TMEM273: variants seen among roughly 807,000 people sequenced by gnomAD.
The protein encoded by TMEM273 is transmembrane protein 273, also known as chromosome 10 open reading frame 128.
Under a neutral mutation model 17.9 loss-of-function variants are expected in TMEM273, and 19 were observed. The observed-to-expected ratio is 1.06, with a 90% CI of 0.74 to 1.55. The LOEUF is 1.55. Ranked by LOEUF, TMEM273 falls within the 40% of genes most tolerant of loss-of-function variation. The pLI, the probability that TMEM273 is intolerant of heterozygous loss-of-function variation, is 0.00. For synonymous variants in TMEM273, 66 were observed against 62.0 expected, an observed-to-expected ratio of 1.07 and a Z score of -0.31; for missense variants, 194 against 155.6, an observed-to-expected ratio of 1.25 and a Z score of -1.31.
chr10:49,165,225 T>G lies in TMEM273; in HGVS notation c.328A>C (p.Ile110Leu). 1 of 1,550,460 alleles carries G rather than the reference T, an allele frequency of 6.4e-7. No individual in the cohort carries two copies. Among genetic ancestry groups the G allele is most frequent in the African/African-American group, 1.4e-5 (1 of 73,154 alleles). ...TGTACCTTAAATAGGCCCTCCATGATGCAGTGGTGACACTGAAGCAGGGAT... is the reference window on the plus strand; with the variant it reads ...TGTACCTTAAATAGGCCCTCCATGAGGCAGTGGTGACACTGAAGCAGGGAT... ...FKSLLQCHHC[I>L]MEGLFKAKPQ... The change falls in exon 5 of 7, where the codon ATC becomes CTC. Residue 110 changes from isoleucine (I) to leucine (L), a missense_variant. Ile to Leu is a conservative substitution (Grantham distance 5, BLOSUM62 2). Coordinates refer to ENST00000374153, the MANE Select transcript of TMEM273 (RefSeq NM_001288740.3).
chr10:49,182,767 G>C (rs1219277765), intron 1 of TMEM273, among the ~76,000 whole-genome samples: 1 of 152,220 alleles, frequency 6.6e-6, no homozygotes, highest in African/African-American at 2.4e-5. Context: ...AATTTATTTA[G>C]AATTGTGACA....
chr10:49,172,654 G>T (rs1444551333), intron 1 of TMEM273, among the ~76,000 whole-genome samples: 1 of 152,222 alleles, frequency 6.6e-6, no homozygotes, highest in Non-Finnish European at 1.5e-5. Context: ...GCCACCCATT[G>T]CTCAGCCAGT....
At chr10:49,180,145 A>G (rs1376121009) in intron 1 of TMEM273, among the ~76,000 whole-genome samples, 1 of 151,898 alleles carries the variant, frequency 6.6e-6, no homozygotes, top group Non-Finnish European at 1.5e-5. Flanking sequence ...GGTGCCTCTC[A>G]CCCTTCCTGC....
chr10:49,165,508 A>G, intron 4 of TMEM273: 1 of 1,413,182 alleles, frequency 7.1e-7, no homozygotes, highest in Non-Finnish European at 9.3e-7. Context: ...TGGGGGTGGA[A>G]CAGGATCTAA....
At chr10:49,173,332 C>T (rs1000485468) in intron 1 of TMEM273, among the ~76,000 whole-genome samples, 5 of 152,152 alleles carry the variant, frequency 3.3e-5, no homozygotes, top group Non-Finnish European at 5.9e-5. Context: ...GAGAGGGCGT[C>T]ACTGGAGACT....
intron 6 of TMEM273, among the ~76,000 whole-genome samples, chr10:49,158,239 A>G (rs1845629029): frequency 6.6e-6 from 1 of 152,166 alleles, no homozygotes; most frequent in South Asian, 2.1e-4. Context: ...TAAAGAAGTA[A>G]ATCATCTTTA....
chr10:49,188,180 G>T, intron 1 of TMEM273, 114 bp downstream of exon 1: 1 of 1,181,066 alleles, frequency 8.5e-7, no homozygotes, highest in Non-Finnish European at 1.2e-6. Flanking sequence ...AACATCATCT[G>T]TGTAAAGGGA....
chr10:49,170,459 G>A (rs1200457443), intron 1 of TMEM273, among the ~76,000 whole-genome samples: 1 of 152,122 alleles, frequency 6.6e-6, no homozygotes, highest in African/African-American at 2.4e-5. Context: ...CAGTCCCTTA[G>A]GCACCATCCT....
At chr10:49,157,678 T>C (rs947980588) in intron 6 of TMEM273, among the ~76,000 whole-genome samples, 2 of 152,244 alleles carry the variant, frequency 1.3e-5, no homozygotes, top group African/African-American at 2.4e-5. Flanking sequence ...TAGGAACTGA[T>C]GAATGCTCCT....
At chr10:49,161,348 C>A in intron 6 of TMEM273, 1 of 567,888 alleles carries the variant, frequency 1.8e-6, no homozygotes, top group Non-Finnish European at 3.2e-6. Flanking sequence ...CCTGTTAAAA[C>A]CATTTTCTCA....
chr10:49,172,916 G>A (rs149849791), intron 1 of TMEM273, among the ~76,000 whole-genome samples: 1 of 152,368 alleles, frequency 6.6e-6, no homozygotes, highest in East Asian at 1.9e-4. Context: ...TGGGGAATGT[G>A]TGAACCCTGC....
At chr10:49,158,771 A>C (rs1471024031) in intron 6 of TMEM273, among the ~76,000 whole-genome samples, 1 of 152,226 alleles carries the variant, frequency 6.6e-6, no homozygotes, top group Non-Finnish European at 1.5e-5. Flanking sequence ...ATAGTATCGG[A>C]ATAATTCAAT....
At chr10:49,180,236 A>C (rs1253408303) in intron 1 of TMEM273, among the ~76,000 whole-genome samples, 1 of 152,118 alleles carries the variant, frequency 6.6e-6, no homozygotes, top group Non-Finnish European at 1.5e-5. Flanking sequence ...GGGACACATG[A>C]AGAGCAGTGA....
In TMEM273 at chr10:49,155,478, G is replaced by C. The variant is rs1845456134; in HGVS notation, c.*414C>G. ...GAAGCTAATCGTTCTACAAAGTAGT[G>C]CCTAACTGTTGATAAGATGGCAGTG... On this transcript the variant is annotated 3_prime_UTR_variant, in exon 7 of 7. Coordinates refer to ENST00000374153, the MANE Select transcript of TMEM273 (RefSeq NM_001288740.3). The C allele has an allele frequency of 4.3e-6, 1 of 232,744 alleles. No individual in the cohort carries two copies. Among genetic ancestry groups the C allele is most frequent in the African/African-American group, 2.3e-5 (1 of 43,022 alleles). 14.4% of individuals were successfully genotyped at this position (232,744 alleles called of 1,614,324 possible).
chr10:49,177,572 G>A (rs966266720), intron 1 of TMEM273, among the ~76,000 whole-genome samples: 4 of 152,362 alleles, frequency 2.6e-5, no homozygotes, highest in South Asian at 2.1e-4. Context: ...AGGAAGTGAC[G>A]TGACCTCTTC....
chr10:49,158,387 C>T (rs2132084055), intron 6 of TMEM273, among the ~76,000 whole-genome samples: 1 of 152,088 alleles, frequency 6.6e-6, no homozygotes, highest in Middle Eastern at 3.4e-3. Flanking sequence ...AAGCAATCAT[C>T]ATAAAATTCT....
rs116661697 is a variant in TMEM273 at position 49,164,859 on chromosome 10, G to A, written c.348+346C>T. On this transcript the variant is annotated intron_variant, in intron 5 of 6. Coordinates refer to ENST00000374153, the MANE Select transcript of TMEM273 (RefSeq NM_001288740.3). ...CCGGGACCCCCACCCCCACTGTGCA[G>A]CCACCACCTGGGACCTGCCTGTCTC... is the stretch of plus-strand genomic sequence containing the variant. 4.3e-3 allele frequency among the ~76,000 whole-genome samples: 651 copies of A among 151,980 alleles called. 3 individuals are homozygous for A. Among genetic ancestry groups the A allele is most frequent in the African/African-American group, 0.015 (627 of 41,426 alleles).
rs1845470266 is a variant in TMEM273, at chr10:49,155,763, C to T, written c.*129G>A. ...TTCTATTCCTTCTATTATTTGCCTC[C>T]AATATTCAGTCCATGTGAAAGTTCA... On this transcript the variant is annotated 3_prime_UTR_variant, in exon 7 of 7. Transcript: ENST00000374153. The T allele has an allele frequency of 7.6e-7, 1 of 1,317,110 alleles. No homozygotes were observed. Among genetic ancestry groups the T allele is most frequent in the African/African-American group, 1.4e-5 (1 of 69,252 alleles). The allele number at this position is 1,317,110 out of a possible 1,614,324, so 81.6% of individuals were successfully genotyped here.
rs189117649 is a variant in TMEM273 at position 49,184,986 on chromosome 10, G to A, written c.43+3308C>T. ...AATGCAACGTGTTCAGTATGCTATG[G>A]CGGATTCCTGCAGTTTTTAACAGCT... On this transcript the variant is annotated intron_variant, in intron 1 of 6. Coordinates refer to ENST00000374153, the MANE Select transcript of TMEM273 (RefSeq NM_001288740.3). Among the ~76,000 whole-genome samples the A allele has an allele frequency of 9.9e-5, 15 of 152,276 alleles. No individual in the cohort carries two copies. The East Asian group carries it at 2.9e-3, about 29-fold the overall frequency.
Sources: allele counts gnomAD v4.1 joint callset (sites outside exome capture counted in the v4.1 genomes callset), GRCh38; gene constraint gnomAD v4.1.1; transcripts MANE v1.5; gene names NCBI Gene and HGNC (gene_info 2026-07-23, HGNC 2026-07-21).